FRAS1: variants seen among roughly 807,000 people sequenced by gnomAD.
FRAS1 encodes the protein Fraser extracellular matrix complex subunit 1.
FRAS1 carries 290 observed loss-of-function variants against 435.2 expected under a neutral mutation model. That is an observed-to-expected ratio of 0.67 (90% CI 0.61 to 0.73). The LOEUF (loss-of-function observed/expected upper bound fraction) is 0.73, where lower values mean the gene tolerates loss of function less well. Ranked by LOEUF, FRAS1 falls within the 30% of genes least tolerant of loss-of-function variation. The pLI is 0.00. For synonymous variants in FRAS1, 1,800 were observed against 1,851.0 expected (o/e 0.97, Z 0.71); for missense variants, 4,860 against 5,001.5 (o/e 0.97, Z 0.85).
chr4:78,445,811 G>A (rs1718804381), intron 42 of FRAS1, 99 bp downstream of exon 42: 2 of 1,431,662 alleles, frequency 1.4e-6, no homozygotes, highest in Non-Finnish European at 1.8e-6. Flanking sequence ...AAGAAGATTG[G>A]ATTTGACCTT....
intron 2 of FRAS1, among the ~76,000 whole-genome samples, chr4:78,186,363 G>T (rs1397576390): frequency 1.3e-5 from 2 of 151,952 alleles, no homozygotes; most frequent in Non-Finnish European, 2.9e-5. Context: ...TCTGTTCAAG[G>T]CTTCACATAT....
intron 29 of FRAS1, among the ~76,000 whole-genome samples, chr4:78,391,637 G>A (rs757737558): frequency 6.6e-6 from 1 of 152,026 alleles, no homozygotes; most frequent in Non-Finnish European, 1.5e-5. Flanking sequence ...TGATCTTTCT[G>A]AACTTCTTTG....
intron 2 of FRAS1, among the ~76,000 whole-genome samples, chr4:78,069,785 AGT>A (rs1491547465): frequency 3.4e-4 from 11 of 32,632 alleles, no homozygotes; most frequent in East Asian, 1.1e-3. Flanking sequence ...CCCAGGAAAT[AGT>A]TTTTTTTTTT....
At chr4:78,189,049 G>A (rs933999370) in intron 2 of FRAS1, among the ~76,000 whole-genome samples, 7 of 152,146 alleles carry the variant, frequency 4.6e-5, no homozygotes, top group African/African-American at 1.7e-4. Flanking sequence ...CCCAGACTAA[G>A]GCAAAAGGTT....
intron 20 of FRAS1, among the ~76,000 whole-genome samples, chr4:78,344,191 A>G (rs115073513): frequency 6.7e-4 from 102 of 151,642 alleles, no homozygotes; most frequent in African/African-American, 2.4e-3. Context: ...TTTACCTAGC[A>G]CTTGGGCTTT....
At chr4:78,115,575 G>T (rs1218589886) in intron 2 of FRAS1, among the ~76,000 whole-genome samples, 4 of 152,132 alleles carry the variant, frequency 2.6e-5, no homozygotes, top group Non-Finnish European at 5.9e-5. Context: ...TATGTGTCCA[G>T]GAATTTATCC....
chr4:78,452,776 A>G (rs1016005416), intron 47 of FRAS1, among the ~76,000 whole-genome samples: 3 of 152,230 alleles, frequency 2.0e-5, no homozygotes, highest in African/African-American at 7.2e-5. Context: ...TCAGGAAATG[A>G]AGATGATTGA....
At position 78,237,461 on chromosome 4, in the gene FRAS1, C is replaced by G. The variant is rs1266419699; in HGVS notation, c.109-49C>G. 6 of 1,322,178 alleles carry G rather than the reference C, an allele frequency of 4.5e-6. No homozygotes were observed. The South Asian group carries it at 7.3e-5, about 16-fold the overall frequency. 81.9% of individuals were successfully genotyped at this position (1,322,178 alleles called of 1,614,324 possible). On this transcript the variant is annotated intron_variant, in intron 2 of 73. Transcript: ENST00000512123. ...ATTGATGGTGCAGCTTTTGTGTGCT[C>G]ATACCTTGACTGATCAGTTTTTAAA...
At chr4:78,354,402 G>A (rs672608) in intron 20 of FRAS1, among the ~76,000 whole-genome samples, 25,901 of 152,162 alleles carry the variant, frequency 0.17, 2,895 homozygotes, top group African/African-American at 0.32. Flanking sequence ...AGCCTCTAAA[G>A]AGAATACATG....
At chr4:78,378,059 A>G (rs575431920) in intron 26 of FRAS1, among the ~76,000 whole-genome samples, 2 of 152,182 alleles carry the variant, frequency 1.3e-5, no homozygotes, top group East Asian at 1.9e-4. Flanking sequence ...ATCCCATAAT[A>G]TTAGCAGTTT....
At chr4:78,346,952 C>T (rs530054449) in intron 20 of FRAS1, among the ~76,000 whole-genome samples, 7 of 152,194 alleles carry the variant, frequency 4.6e-5, no homozygotes, top group African/African-American at 1.7e-4. Flanking sequence ...CTCCAGGGCC[C>T]TTGTGTCTTT....
intron 6 of FRAS1, among the ~76,000 whole-genome samples, chr4:78,258,272 T>C (rs1725885821): frequency 6.6e-6 from 1 of 151,156 alleles, no homozygotes; most frequent in African/African-American, 2.4e-5. Context: ...GCCTGGGAGG[T>C]TGAGGCTGCA....
At chr4:78,095,253 C>G (rs919286898) in intron 2 of FRAS1, among the ~76,000 whole-genome samples, 1 of 152,132 alleles carries the variant, frequency 6.6e-6, no homozygotes, top group African/African-American at 2.4e-5. Flanking sequence ...GAGTGAAAGC[C>G]TCATTGTAGG....
At chr4:78,064,433 A>C (rs942874352) in intron 1 of FRAS1, among the ~76,000 whole-genome samples, 1 of 151,890 alleles carries the variant, frequency 6.6e-6, no homozygotes, top group Non-Finnish European at 1.5e-5. Flanking sequence ...TAATTATCCT[A>C]TGTCTGCAGA....
intron 2 of FRAS1, among the ~76,000 whole-genome samples, chr4:78,220,166 A>T (rs1284501670): frequency 6.6e-6 from 1 of 152,214 alleles, no homozygotes; most frequent in Non-Finnish European, 1.5e-5. Context: ...ATACAGACAC[A>T]ATCTATTTTG....
chr4:78,161,506 A>G (rs888735648), intron 2 of FRAS1, among the ~76,000 whole-genome samples: 1 of 152,104 alleles, frequency 6.6e-6, no homozygotes, highest in African/African-American at 2.4e-5. Context: ...GGAATAATCT[A>G]GACAGGGCAG....
intron 64 of FRAS1, among the ~76,000 whole-genome samples, chr4:78,513,092 G>A (rs1721088784): frequency 6.6e-6 from 1 of 152,104 alleles, no homozygotes; most frequent in Non-Finnish European, 1.5e-5. Context: ...CCATTAAAAA[G>A]CAAAGGAGAG....
chr4:78,281,071 A>G (rs1007246026), intron 10 of FRAS1, among the ~76,000 whole-genome samples: 12 of 152,250 alleles, frequency 7.9e-5, no homozygotes, highest in Non-Finnish European at 5.9e-5. Context: ...ACAAATCTCC[A>G]TCATGCTCTG....
rs780772474 is a variant in FRAS1, at chr4:78,511,445, G to T, written c.9952G>T (p.Ala3318Ser). ...GGCTGGGACATCCAGAGGCTTCCAG[G>T]CTCAGTCCTTCATCGCAACCTTGAA... Reference protein sequence around the residue: ...VVAGTSRGFQAQSFIATLKYL... With the variant: ...VVAGTSRGFQSQSFIATLKYL... The change falls in exon 64 of 74, where the codon GCT becomes TCT. Residue 3318 changes from alanine to serine, a missense_variant. Physicochemically the swap from Ala to Ser is moderately conservative, Grantham distance 99. Coordinates refer to ENST00000512123, the MANE Select transcript of FRAS1 (RefSeq NM_025074.7). The T allele has an allele frequency of 3.8e-5, 61 of 1,613,822 alleles. No individual in the cohort carries two copies. Among genetic ancestry groups the T allele is most frequent in the Non-Finnish European group, 1.4e-5 (16 of 1,179,878 alleles).
Sources: allele counts gnomAD v4.1 joint callset (sites outside exome capture counted in the v4.1 genomes callset), GRCh38; gene constraint gnomAD v4.1.1; transcripts MANE v1.5; gene names NCBI Gene and HGNC (gene_info 2026-07-23, HGNC 2026-07-21).